RARB: variants seen among roughly 807,000 people sequenced by gnomAD.
The protein encoded by RARB is HBV-activated protein.
Under a neutral mutation model 51.9 loss-of-function variants are expected in RARB, and 17 were observed. The ratio of observed to expected loss-of-function variants is 0.33; its 90% CI spans 0.22 to 0.49. RARB has a LOEUF of 0.49. Ranked by LOEUF, RARB falls within the 20% of genes least tolerant of loss-of-function variation. The pLI is 0.99. For synonymous variants in RARB, 215 were observed against 195.4 expected (o/e 1.10, Z -0.84); for missense variants, 369 against 550.8 (o/e 0.67, Z 3.30).
At chr3:25,518,140 T>C (rs1153593) in intron 3 of RARB, among the ~76,000 whole-genome samples, 38,116 of 152,106 alleles carry the variant, frequency 0.25, 6,273 homozygotes, top group East Asian at 0.46. Flanking sequence ...AATTGTATCT[T>C]AATTTTAAAA....
At chr3:24,866,273 C>A (rs146209356) in intron 2 of RARB, among the ~76,000 whole-genome samples, 1 of 152,062 alleles carries the variant, frequency 6.6e-6, no homozygotes. Context: ...TTTGCACATA[C>A]CATTTCTCTG....
chr3:25,075,925 G>GAC lies in RARB; in HGVS notation c.-328+15749_-328+15750insAC, dbSNP rs200062257. Among the ~76,000 whole-genome samples the GAC allele has an allele frequency of 6.1e-3, 925 of 152,224 alleles. 11 individuals carry two copies. Among genetic ancestry groups the GAC allele is most frequent in the African/African-American group, 0.02 (819 of 41,534 alleles). On this transcript the variant is annotated intron_variant, in intron 3 of 11. Transcript: ENST00000383772. ...TTGTAGACTAACAAGTTGTTTATCTGTTTGTGCCATTAGATGTCTGAAAGA... is the reference window on the plus strand; with the variant it reads ...TTGTAGACTAACAAGTTGTTTATCTGACTTTGTGCCATTAGATGTCTGAAAGA...
At chr3:25,383,746 G>A (rs1706702456) in intron 5 of RARB, among the ~76,000 whole-genome samples, 1 of 146,108 alleles carries the variant, frequency 6.8e-6, no homozygotes, top group Non-Finnish European at 1.5e-5. Context: ...TGGCCAACAT[G>A]GTGAAACCCC....
intron 2 of RARB, among the ~76,000 whole-genome samples, chr3:25,036,378 T>C (rs1365029913): frequency 1.3e-5 from 2 of 152,286 alleles, no homozygotes; most frequent in East Asian, 1.9e-4. Context: ...CCAAACCCTC[T>C]CCATTCTACC....
At chr3:25,158,335 T>A (rs778056375) in intron 4 of RARB, among the ~76,000 whole-genome samples, 1 of 152,370 alleles carries the variant, frequency 6.6e-6, no homozygotes. Flanking sequence ...ATATTATTTT[T>A]CAATAGTTCC....
At chr3:24,853,117 A>G (rs1033713597) in intron 1 of RARB, among the ~76,000 whole-genome samples, 20 of 151,494 alleles carry the variant, frequency 1.3e-4, no homozygotes, top group African/African-American at 4.9e-4. Context: ...GATTGAGACC[A>G]TTCTGGTTAA....
At chr3:25,439,125 T>C (rs548788668) in intron 1 of RARB, among the ~76,000 whole-genome samples, 2 of 152,306 alleles carry the variant, frequency 1.3e-5, no homozygotes, top group African/African-American at 4.8e-5. Flanking sequence ...TATCTAAAGA[T>C]GGGTGCTAAG....
intron 2 of RARB, among the ~76,000 whole-genome samples, chr3:24,932,467 G>T (rs567054312): frequency 2.9e-4 from 44 of 152,136 alleles, no homozygotes; most frequent in African/African-American, 1.0e-3. Context: ...ATTTTAGTGG[G>T]CATTGAAATC....
At chr3:25,377,465 T>C (rs963631669) in intron 5 of RARB, among the ~76,000 whole-genome samples, 1 of 152,200 alleles carries the variant, frequency 6.6e-6, no homozygotes, top group Admixed American at 6.5e-5. Flanking sequence ...GATACTTCTT[T>C]ACAAATGTTG....
chr3:24,959,499 G>C (rs758885946), intron 2 of RARB, among the ~76,000 whole-genome samples: 6 of 152,104 alleles, frequency 3.9e-5, no homozygotes, highest in Admixed American at 3.3e-4. Flanking sequence ...GTTTTTTATC[G>C]ATATAGCATG....
intron 3 of RARB, among the ~76,000 whole-genome samples, chr3:25,558,529 CT>C (rs55699410): frequency 0.014 from 1,870 of 129,486 alleles, 12 homozygotes; most frequent in African/African-American, 0.032. Flanking sequence ...GTTCCTGGCC[CT>C]TTTTTTTTTT....
At chr3:25,360,844 T>G (rs961409916) in intron 5 of RARB, among the ~76,000 whole-genome samples, 1 of 152,200 alleles carries the variant, frequency 6.6e-6, no homozygotes, top group Non-Finnish European at 1.5e-5. Flanking sequence ...TGCAGAGAGA[T>G]CCACTGTTAG....
At chr3:24,855,360 A>C (rs999196631) in intron 1 of RARB, among the ~76,000 whole-genome samples, 2 of 152,224 alleles carry the variant, frequency 1.3e-5, no homozygotes, top group Admixed American at 6.5e-5. Flanking sequence ...ACAGCAATAC[A>C]ATAGAAAGGC....
chr3:25,036,706 T>C (rs754464693), intron 2 of RARB, among the ~76,000 whole-genome samples: 22 of 152,142 alleles, frequency 1.4e-4, no homozygotes, highest in Non-Finnish European at 2.6e-4. Flanking sequence ...TATCTTTGTT[T>C]GTAGGGCTGC....
At chr3:25,592,707 ACT>A (rs1701658769) in intron 5 of RARB, among the ~76,000 whole-genome samples, 1 of 152,002 alleles carries the variant, frequency 6.6e-6, no homozygotes, top group Admixed American at 6.6e-5. Flanking sequence ...GGACTGGGAG[ACT>A]CTGGCAGAGT....
intron 1 of RARB, among the ~76,000 whole-genome samples, chr3:24,829,858 T>C (rs1358903105): frequency 6.6e-6 from 1 of 152,198 alleles, no homozygotes; most frequent in Non-Finnish European, 1.5e-5. Context: ...ACCTTAGGGC[T>C]GGGCACGGCG....
chr3:25,420,810 G>T (rs1244270725), intron 5 of RARB, among the ~76,000 whole-genome samples: 2 of 152,022 alleles, frequency 1.3e-5, no homozygotes, highest in African/African-American at 4.8e-5. Flanking sequence ...AGTAAATGGA[G>T]GGATGGGTGG....
chr3:25,461,209 C>T lies in RARB; in HGVS notation c.174C>T (p.Ser58=), dbSNP rs562282830. Residue 58 remains serine (S), a synonymous_variant, in exon 2 of 8, where the codon AGC becomes AGT. Coordinates refer to ENST00000330688, the MANE Select transcript of RARB (RefSeq NM_000965.5). ...RHTAQSIETQ[S]TSSEELVPSP... ...CTATTATAGCAATTGAAACACAGAG[C>T]ACCAGCTCTGAGGAACTCGTCCCAA... 7.4e-5 allele frequency: 119 copies of T among 1,612,712 alleles called. No homozygotes were observed. The highest frequency in any genetic ancestry group is 9.5e-5 in the Non-Finnish European group (112 of 1,179,448).
Sources: allele counts gnomAD v4.1 joint callset (sites outside exome capture counted in the v4.1 genomes callset), GRCh38; gene constraint gnomAD v4.1.1; transcripts MANE v1.5; gene names NCBI Gene and HGNC (gene_info 2026-07-23, HGNC 2026-07-21).